The following FHIT variants were observed in gnomAD, a reference collection of about 807,000 sequenced individuals.
The protein encoded by FHIT is bis(5'-adenosyl)-triphosphatase.
In FHIT, 19 loss-of-function variants were observed where a neutral mutation model predicts 17.9. The ratio of observed to expected loss-of-function variants is 1.06; its 90% CI spans 0.74 to 1.56. The LOEUF (loss-of-function observed/expected upper bound fraction) is 1.56, where lower values mean the gene tolerates loss of function less well. FHIT is among the 40% of genes most tolerant of loss of function. The probability of loss-of-function intolerance (pLI) is 0.00; values close to 1 mark genes in which losing one functional copy is unlikely to be tolerated. For synonymous variants in FHIT, 81 were observed against 69.7 expected, an observed-to-expected ratio of 1.16 and a Z score of -0.81; for missense variants, 248 against 189.2, an observed-to-expected ratio of 1.31 and a Z score of -1.82.
intron 4 of FHIT, among the ~76,000 whole-genome samples, chr3:60,674,864 G>A (rs1405133084): frequency 6.6e-6 from 1 of 152,160 alleles, no homozygotes; most frequent in Non-Finnish European, 1.5e-5. Context: ...ACAATGACCT[G>A]CAAAGAAACC....
intron 3 of FHIT, among the ~76,000 whole-genome samples, chr3:60,962,246 AT>A (rs1466447616): frequency 6.6e-6 from 1 of 152,164 alleles, no homozygotes; most frequent in Non-Finnish European, 1.5e-5. Context: ...TTATTGGTGT[AT>A]AAGAATGCTT....
chr3:60,326,419 G>T (rs938923158), intron 5 of FHIT, among the ~76,000 whole-genome samples: 1 of 151,990 alleles, frequency 6.6e-6, no homozygotes, highest in Non-Finnish European at 1.5e-5. Context: ...TCACAATAGG[G>T]TTCACATTCC....
chr3:60,725,655 T>C (rs1231362099), intron 4 of FHIT, among the ~76,000 whole-genome samples: 3 of 152,156 alleles, frequency 2.0e-5, no homozygotes, highest in Admixed American at 1.3e-4. Context: ...ACTTTTGCAA[T>C]TGGTGTTCTT....
chr3:59,780,769 C>T (rs541359152), intron 8 of FHIT, among the ~76,000 whole-genome samples: 126 of 152,186 alleles, frequency 8.3e-4, no homozygotes, highest in African/African-American at 2.7e-3. Context: ...ACCATGTTAG[C>T]GCCCTGATAT....
intron 4 of FHIT, among the ~76,000 whole-genome samples, chr3:60,695,774 T>G (rs1553700494): frequency 1.1e-4 from 16 of 152,228 alleles, no homozygotes; most frequent in South Asian, 2.1e-4. Flanking sequence ...GCTGTAATCT[T>G]GAGCAACGTA....
chr3:59,834,785 TCA>T (rs1701283341), intron 8 of FHIT, among the ~76,000 whole-genome samples: 1 of 152,124 alleles, frequency 6.6e-6, no homozygotes, highest in Non-Finnish European at 1.5e-5. Flanking sequence ...ACACAAACAT[TCA>T]GTCTATAACA....
chr3:60,547,724 A>C (rs1245682706), intron 4 of FHIT, among the ~76,000 whole-genome samples: 3 of 152,184 alleles, frequency 2.0e-5, no homozygotes, highest in Non-Finnish European at 4.4e-5. Flanking sequence ...TATCTTTAAA[A>C]TTTAATAAAC....
intron 8 of FHIT, among the ~76,000 whole-genome samples, chr3:59,906,460 G>A (rs1704588526): frequency 6.6e-6 from 1 of 152,148 alleles, no homozygotes. Context: ...ACACAAAGTG[G>A]ATCCAGAACC....
chr3:59,892,675 G>C (rs1333637544), intron 8 of FHIT, among the ~76,000 whole-genome samples: 1 of 152,174 alleles, frequency 6.6e-6, no homozygotes, highest in African/African-American at 2.4e-5. Context: ...TGGGGGATAT[G>C]TTTAATCACC....
intron 4 of FHIT, among the ~76,000 whole-genome samples, chr3:60,591,121 C>T (rs896869318): frequency 1.7e-4 from 26 of 152,060 alleles, no homozygotes; most frequent in Middle Eastern, 3.2e-3. Flanking sequence ...TTCTGAAAAG[C>T]TAAGCCCACT....
At chr3:60,656,390 C>T (rs1211188471) in intron 4 of FHIT, among the ~76,000 whole-genome samples, 1 of 152,108 alleles carries the variant, frequency 6.6e-6, no homozygotes, top group Non-Finnish European at 1.5e-5. Context: ...TTACTGGGGG[C>T]AAGATTTGTT....
intron 3 of FHIT, among the ~76,000 whole-genome samples, chr3:60,995,389 T>G (rs1439765101): frequency 6.6e-6 from 1 of 152,138 alleles, no homozygotes; most frequent in Non-Finnish European, 1.5e-5. Context: ...AGGTAACTTG[T>G]TAGATTTCTA....
intron 4 of FHIT, among the ~76,000 whole-genome samples, chr3:60,721,939 A>C (rs1553708157): frequency 6.6e-6 from 1 of 152,176 alleles, no homozygotes; most frequent in East Asian, 1.9e-4. Context: ...GTTCAAATTA[A>C]TTCAATCTGA....
chr3:60,786,775 T>C (rs577313860), intron 4 of FHIT, among the ~76,000 whole-genome samples: 1 of 152,290 alleles, frequency 6.6e-6, no homozygotes, highest in South Asian at 2.1e-4. Context: ...TGTCACAAAG[T>C]AGGGATCTGA....
chr3:60,734,824 G>A (rs2042103396), intron 4 of FHIT, among the ~76,000 whole-genome samples: 1 of 152,226 alleles, frequency 6.6e-6, no homozygotes, highest in East Asian at 1.9e-4. Flanking sequence ...GCTATGTGAT[G>A]AGGCTGCTTT....
chr3:60,858,085 C>T (rs748299950), intron 3 of FHIT, among the ~76,000 whole-genome samples: 8 of 152,212 alleles, frequency 5.3e-5, no homozygotes, highest in African/African-American at 9.6e-5. Flanking sequence ...CCATGTTTGT[C>T]TTGGTCACTA....
chr3:60,832,198 TTTTATC>T (rs1162044277), intron 3 of FHIT, among the ~76,000 whole-genome samples: 1 of 152,110 alleles, frequency 6.6e-6, no homozygotes, highest in African/African-American at 2.4e-5. Flanking sequence ...ATTTTGTACT[TTTTATC>T]TAATTGTATA....
chr3:61,009,013 T>C (rs75191110), intron 3 of FHIT, among the ~76,000 whole-genome samples: 6,084 of 152,256 alleles, frequency 0.04, 407 homozygotes, highest in African/African-American at 0.14. Context: ...TCTGCTTTAT[T>C]ATCCTGAAAC....
At chr3:60,257,641 T>C (rs1407644013) in intron 5 of FHIT, among the ~76,000 whole-genome samples, 1 of 152,118 alleles carries the variant, frequency 6.6e-6, no homozygotes, top group African/African-American at 2.4e-5. Flanking sequence ...ACAAGGAAGG[T>C]GGAGGTAAAG....
Sources: allele counts gnomAD v4.1 joint callset (sites outside exome capture counted in the v4.1 genomes callset), GRCh38; gene constraint gnomAD v4.1.1; transcripts MANE v1.5; gene names NCBI Gene and HGNC (gene_info 2026-07-23, HGNC 2026-07-21).